CD302: variants seen among roughly 807,000 people sequenced by gnomAD.
CD302 encodes CD302 molecule.
In CD302, 23 loss-of-function variants were observed where a neutral mutation model predicts 26.5. That is an observed-to-expected ratio of 0.87 (90% CI 0.62 to 1.23). The LOEUF (loss-of-function observed/expected upper bound fraction) is 1.23. Among genes scored for constraint, CD302 ranks in the 50% most tolerant of loss-of-function variants. The pLI, the probability that CD302 is intolerant of heterozygous loss-of-function variation, is 0.00. For synonymous variants in CD302, 90 were observed against 99.4 expected (o/e 0.91, Z 0.56); for missense variants, 290 against 275.5 (o/e 1.05, Z -0.37).
intron 5 of CD302, among the ~76,000 whole-genome samples, chr2:159,776,364 CAGAT>C (rs1212520452): frequency 6.6e-6 from 1 of 152,098 alleles, no homozygotes; most frequent in African/African-American, 2.4e-5. Flanking sequence ...AAATATCAAA[CAGAT>C]GGGTGTACGG....
intron 5 of CD302, among the ~76,000 whole-genome samples, chr2:159,776,356 A>T (rs1459650905): frequency 6.6e-6 from 1 of 152,180 alleles, no homozygotes; most frequent in Non-Finnish European, 1.5e-5. Flanking sequence ...AGATACACAA[A>T]TATCAAACAG....
chr2:159,779,249 A>C (rs1002925209), intron 4 of CD302, among the ~76,000 whole-genome samples: 3 of 151,552 alleles, frequency 2.0e-5, no homozygotes, highest in Admixed American at 6.6e-5. Flanking sequence ...AAAAAAAAAA[A>C]AAAAAAACCT....
intron 1 of CD302, among the ~76,000 whole-genome samples, chr2:159,786,441 C>A (rs772118345): frequency 4.0e-5 from 6 of 151,132 alleles, no homozygotes; most frequent in South Asian, 2.1e-4. Flanking sequence ...TCAAGTGATT[C>A]TCCTGCCTCA....
rs1277348362 is a variant in CD302 at position 159,771,291 on chromosome 2, G to GTCAT, written c.*556_*559dup. 6.6e-6 allele frequency: 1 copy of GTCAT among 152,548 alleles called. No homozygotes were observed. The highest frequency in any genetic ancestry group is 1.5e-5 in the Non-Finnish European group (1 of 68,348). 9.4% of individuals were successfully genotyped at this position (152,548 alleles called of 1,614,324 possible). A position where few individuals can be genotyped will look rare whatever the true frequency, so the allele number is the denominator to read the frequency against. On this transcript the variant is annotated 3_prime_UTR_variant, in exon 6 of 6. Coordinates refer to ENST00000259053, the MANE Select transcript of CD302 (RefSeq NM_014880.5). ...TTTATAAACATTCATTAAAACTTGA[G>GTCAT]TCATTTGTGATAAAATGGTGTGTGT...
In CD302 at chr2:159,780,054, T is replaced by G; in HGVS notation, c.420A>C (p.Lys140Asn). The G allele has an allele frequency of 6.2e-7, 1 of 1,613,844 alleles. No individual in the cohort carries two copies. Among genetic ancestry groups the G allele is most frequent in the Non-Finnish European group, 8.5e-7 (1 of 1,179,822 alleles). Reference protein sequence around the residue: ...FLHIKTGEWKKGNCEVSSVEG... With the variant: ...FLHIKTGEWKNGNCEVSSVEG... ...CCACAGAAGAAACTTCACAATTTCC[T>G]TTTTTCCATTCACCTGTCTTGATGT... Residue 140 changes from lysine (K) to asparagine (N), a missense_variant, in exon 4 of 6, where the codon AAA (lysine) becomes AAC (asparagine). Lys to Asn is a moderately conservative substitution (Grantham distance 94). Transcript: ENST00000259053.
chr2:159,769,093 T>TTA lies in CD302; in HGVS notation c.*2756_*2757dup, dbSNP rs1708050010. On this transcript the variant is annotated 3_prime_UTR_variant, in exon 6 of 6. Transcript: ENST00000259053. The stretch of plus-strand genomic sequence containing the variant: ...GAATAAGAGAAAAGGCTTTCATTGG[T>TTA]TATCAGTTTTAAATTCTGAACAAAA... The TTA allele has an allele frequency of 6.6e-6, 1 of 152,218 alleles. No homozygotes were observed. The highest frequency in any genetic ancestry group is 2.4e-5 in the African/African-American group (1 of 41,460). The allele number at this position is 152,218 out of a possible 1,614,324, so 9.4% of individuals were successfully genotyped here.
intron 1 of CD302, among the ~76,000 whole-genome samples, chr2:159,790,579 C>T (rs3764968): frequency 0.28 from 42,646 of 152,018 alleles, 6,759 homozygotes; most frequent in South Asian, 0.44. Context: ...GTCAAAAGGG[C>T]AGAGGCTCTA....
At chr2:159,773,515 G>GACTC in intron 5 of CD302, among the ~76,000 whole-genome samples, 1 of 152,184 alleles carries the variant, frequency 6.6e-6, no homozygotes, top group East Asian at 1.9e-4. Flanking sequence ...AATATTTACA[G>GACTC]ACTCAATCAT....
intron 5 of CD302, among the ~76,000 whole-genome samples, chr2:159,774,291 CAAAT>C (rs561792181): frequency 2.0e-4 from 31 of 152,258 alleles, no homozygotes; most frequent in Middle Eastern, 3.4e-3. Context: ...TGAATTCCTG[CAAAT>C]AAATAGCCAC....
intron 1 of CD302, among the ~76,000 whole-genome samples, chr2:159,791,681 T>A (rs1490995938): frequency 2.0e-5 from 3 of 152,184 alleles, no homozygotes; most frequent in African/African-American, 7.2e-5. Flanking sequence ...AGGACTCTGG[T>A]TAAGCCCATT....
chr2:159,798,032 T>C, intron 1 of CD302, 100 bp downstream of exon 1: 1 of 1,182,388 alleles, frequency 8.5e-7, no homozygotes. Context: ...GTGTTGCGTC[T>C]GCGGGCCGCC....
rs1708128769 is a variant in CD302 at position 159,770,978 on chromosome 2, C to A, written c.*873G>T. On this transcript the variant is annotated 3_prime_UTR_variant, in exon 6 of 6. Transcript: ENST00000259053. ...TTTTTACTCCCCAAATGATTTTCACCTTTTTCTTAAAATGTACAATAAATG... is the reference window on the plus strand; with the variant it reads ...TTTTTACTCCCCAAATGATTTTCACATTTTTCTTAAAATGTACAATAAATG... 2 of 152,080 alleles carry A rather than the reference C, an allele frequency of 1.3e-5. No individual in the cohort carries two copies. The highest frequency in any genetic ancestry group is 1.9e-4 in the East Asian group (1 of 5,196). The allele number at this position is 152,080 out of a possible 1,614,324, so 9.4% of individuals were successfully genotyped here.
At chr2:159,795,319 A>G (rs1443123949) in intron 1 of CD302, among the ~76,000 whole-genome samples, 1 of 152,168 alleles carries the variant, frequency 6.6e-6, no homozygotes, top group Admixed American at 6.5e-5. Flanking sequence ...TAGCAGAGGT[A>G]ATATAATTTG....
intron 5 of CD302, among the ~76,000 whole-genome samples, chr2:159,775,800 A>C (rs1708296678): frequency 6.6e-6 from 1 of 152,106 alleles, no homozygotes; most frequent in African/African-American, 2.4e-5. Flanking sequence ...CCCTTGGCAA[A>C]GAGTTTCTTG....
At chr2:159,786,495 A>T (rs1371040586) in intron 1 of CD302, among the ~76,000 whole-genome samples, 24 of 152,026 alleles carry the variant, frequency 1.6e-4, no homozygotes, top group Non-Finnish European at 5.9e-5. Flanking sequence ...CACCACACCC[A>T]GCTAATTTTT....
intron 5 of CD302, among the ~76,000 whole-genome samples, chr2:159,776,012 C>CCTTTTTTTTTTTTTTT (rs1708310195): frequency 2.5e-5 from 2 of 81,252 alleles, no homozygotes; most frequent in Non-Finnish European, 4.6e-5. Flanking sequence ...CGGGTTTCAA[C>CCTTTTTTTTTTTTTTT]TTTTTTTTTT....
intron 1 of CD302, among the ~76,000 whole-genome samples, chr2:159,788,002 G>A (rs1379014867): frequency 6.6e-6 from 1 of 152,074 alleles, no homozygotes; most frequent in Non-Finnish European, 1.5e-5. Context: ...AGCTATTGGG[G>A]AGCCTGAGGC....
intron 5 of CD302, among the ~76,000 whole-genome samples, chr2:159,774,797 T>A (rs1476020070): frequency 6.6e-6 from 1 of 152,210 alleles, no homozygotes; most frequent in African/African-American, 2.4e-5. Context: ...GAAAGTATTC[T>A]TCCCAAGGGA....
At chr2:159,782,329 C>A (rs894416077) in intron 2 of CD302, among the ~76,000 whole-genome samples, 4 of 139,614 alleles carry the variant, frequency 2.9e-5, no homozygotes, top group African/African-American at 1.1e-4. Flanking sequence ...AGGAGAATGG[C>A]GTGAACCCGG....
Sources: gnomAD v4.1 joint callset for allele counts (sites outside exome capture counted in the v4.1 genomes callset) on GRCh38, gnomAD v4.1.1 for gene constraint, MANE v1.5 for transcripts, NCBI Gene and HGNC (gene_info 2026-07-23, HGNC 2026-07-21) for gene names.